RIC1: variants seen among roughly 807,000 people sequenced by gnomAD.
The protein encoded by RIC1 is guanine nucleotide exchange factor subunit RIC1.
Under a neutral mutation model 169.0 loss-of-function variants are expected in RIC1, and 88 were observed. That is an observed-to-expected ratio of 0.52 (90% CI 0.44 to 0.62). The LOEUF (loss-of-function observed/expected upper bound fraction) is 0.62, where lower values mean the gene tolerates loss of function less well. Ranked by LOEUF, RIC1 falls within the 20% of genes least tolerant of loss-of-function variation. RIC1 has a pLI of 0.00. For missense variants in RIC1, 1,877 were observed against 1,725.5 expected (o/e 1.09, Z -1.56); for synonymous variants, 790 against 601.5 (o/e 1.31, Z -4.59).
chr9:5,759,692 A>T (rs7856775), intron 17 of RIC1, among the ~76,000 whole-genome samples: 211 of 152,360 alleles, frequency 1.4e-3, no homozygotes, highest in African/African-American at 4.8e-3. Context: ...ATGTTAGCAG[A>T]TGCCCATATA....
chr9:5,723,361 A>C (rs1823734964), intron 6 of RIC1, among the ~76,000 whole-genome samples: 1 of 152,212 alleles, frequency 6.6e-6, no homozygotes, highest in African/African-American at 2.4e-5. Context: ...TCTTCTTTTG[A>C]GAAGTGTCTG....
chr9:5,666,802 A>AG (rs769870430), intron 2 of RIC1, among the ~76,000 whole-genome samples: 51,133 of 152,080 alleles, frequency 0.34, 9,092 homozygotes, highest in East Asian at 0.59. Flanking sequence ...ATTGATTTAT[A>AG]TTGATTACCA....
At chr9:5,635,006 T>C (rs2130250296) in intron 1 of RIC1, among the ~76,000 whole-genome samples, 1 of 152,312 alleles carries the variant, frequency 6.6e-6, no homozygotes, top group East Asian at 1.9e-4. Flanking sequence ...ACCATTATTA[T>C]TTTGAGACAG....
At chr9:5,747,199 C>G in intron 11 of RIC1, 103 bp from the exon 12 acceptor site, 1 of 822,498 alleles carries the variant, frequency 1.2e-6, no homozygotes, top group Non-Finnish European at 2.0e-6. Flanking sequence ...TGTACATTTC[C>G]TATAATAAAA....
At chr9:5,694,736 G>A (rs966452204) in intron 3 of RIC1, among the ~76,000 whole-genome samples, 2 of 151,460 alleles carry the variant, frequency 1.3e-5, no homozygotes, top group African/African-American at 4.8e-5. Flanking sequence ...GTTTCTGTCA[G>A]ACTGGAGGCT....
chr9:5,757,443 C>G lies in RIC1; in HGVS notation c.1984C>G (p.Pro662Ala), dbSNP rs1826075530. 1.2e-6 allele frequency: 2 copies of G among 1,613,812 alleles called. No individual in the cohort carries two copies. The highest frequency in any genetic ancestry group is 1.7e-5 in the Admixed American group (1 of 59,992). ...AGAGAATGGAATCACCTTGAAAATG[C>G]CACAGCAGGTACCACTCCATTATCA... is the stretch of plus-strand genomic sequence containing the variant. Reference protein sequence around the residue: ...STENGITLKMPQQARGAESIM... With the variant: ...STENGITLKMAQQARGAESIM... Residue 662 changes from proline to alanine, a missense_variant, in exon 17 of 26, where the codon CCA (proline) becomes GCA (alanine). Pro to Ala is a conservative substitution (Grantham distance 27). This residue lies in a region of RIC1 where 1,104 missense variants were observed against 992.0 expected (regional missense o/e 1.11). Coordinates refer to ENST00000414202, the MANE Select transcript of RIC1 (RefSeq NM_020829.4).
downstream of RIC1, among the ~76,000 whole-genome samples, chr9:5,777,138 T>G (rs1193498201): frequency 8.5e-5 from 13 of 152,262 alleles, no homozygotes; most frequent in East Asian, 2.5e-3. Flanking sequence ...GTAGGATTAT[T>G]AGCCATTTGT....
chr9:5,633,207 A>C (rs150257673), intron 1 of RIC1, among the ~76,000 whole-genome samples: 6 of 152,216 alleles, frequency 3.9e-5, no homozygotes, highest in Non-Finnish European at 8.8e-5. Context: ...TGATATGTCA[A>C]AAGAACCAAG....
chr9:5,630,947 C>T (rs893283538), intron 1 of RIC1, among the ~76,000 whole-genome samples: 1 of 152,148 alleles, frequency 6.6e-6, no homozygotes, highest in African/African-American at 2.4e-5. Flanking sequence ...GAATTTAATA[C>T]ATAATTCCTT....
chr9:5,708,699 T>C (rs1374037879), intron 3 of RIC1, among the ~76,000 whole-genome samples: 4 of 152,142 alleles, frequency 2.6e-5, no homozygotes, highest in Non-Finnish European at 5.9e-5. Flanking sequence ...TTTTTGACAG[T>C]TTGAACATGA....
At chr9:5,767,142 C>G (rs901411568) in intron 21 of RIC1, among the ~76,000 whole-genome samples, 1 of 152,204 alleles carries the variant, frequency 6.6e-6, no homozygotes, top group Admixed American at 6.5e-5. Context: ...TGTAGGTAAT[C>G]CAAAAGCCTT....
At chr9:5,654,955 G>T (rs956594989) in intron 1 of RIC1, among the ~76,000 whole-genome samples, 4 of 152,156 alleles carry the variant, frequency 2.6e-5, no homozygotes, top group Admixed American at 2.0e-4. Flanking sequence ...CCTTGCTATA[G>T]TTACTTATTC....
chr9:5,680,671 A>G (rs1235122526), intron 2 of RIC1, among the ~76,000 whole-genome samples: 5 of 151,942 alleles, frequency 3.3e-5, no homozygotes, highest in Admixed American at 2.6e-4. Context: ...GGTAGTTTGT[A>G]TTTCTGTGGG....
intron 4 of RIC1, among the ~76,000 whole-genome samples, chr9:5,717,336 G>A (rs1350055384): frequency 6.6e-6 from 1 of 152,078 alleles, no homozygotes; most frequent in Non-Finnish European, 1.5e-5. Context: ...ATAGGGTTAG[G>A]GGAGAGGGAG....
intron 19 of RIC1, among the ~76,000 whole-genome samples, chr9:5,764,851 A>G (rs1393921192): frequency 2.0e-5 from 3 of 152,246 alleles, no homozygotes; most frequent in Non-Finnish European, 2.9e-5. Flanking sequence ...TTGGCAGATA[A>G]TAATTACAAT....
At chr9:5,648,928 C>T (rs1818663654) in intron 1 of RIC1, among the ~76,000 whole-genome samples, 1 of 152,168 alleles carries the variant, frequency 6.6e-6, no homozygotes, top group African/African-American at 2.4e-5. Flanking sequence ...GCATAGTTTG[C>T]AACTATTGTC....
chr9:5,716,202 C>G (rs1010341942), intron 4 of RIC1, among the ~76,000 whole-genome samples: 3 of 152,242 alleles, frequency 2.0e-5, no homozygotes, highest in Middle Eastern at 3.4e-3. Context: ...TACCACATAG[C>G]TCTCATAAAA....
chr9:5,673,551 T>TATATATATAC (rs1820250586), intron 2 of RIC1, among the ~76,000 whole-genome samples: 1 of 144,056 alleles, frequency 6.9e-6, no homozygotes, highest in South Asian at 2.1e-4. Context: ...TATATATATA[T>TATATATATAC]ATATATAAAT....
chr9:5,714,469 A>G (rs1823117384), intron 4 of RIC1, among the ~76,000 whole-genome samples: 1 of 152,188 alleles, frequency 6.6e-6, no homozygotes, highest in African/African-American at 2.4e-5. Context: ...CCAAAAATCT[A>G]TTTTATACCC....
Sources: allele counts gnomAD v4.1 joint callset (sites outside exome capture counted in the v4.1 genomes callset), GRCh38; gene constraint gnomAD v4.1.1; regional missense constraint gnomAD v4.1.1; transcripts MANE v1.5; gene names NCBI Gene and HGNC (gene_info 2026-07-23, HGNC 2026-07-21).